SDK1: variants seen among roughly 807,000 people sequenced by gnomAD.
SDK1 encodes protein sidekick-1.
A neutral mutation model predicts 245.5 loss-of-function variants in SDK1; 157 were observed. The ratio of observed to expected loss-of-function variants is 0.64; its 90% CI spans 0.56 to 0.73. SDK1 has a LOEUF of 0.73. Among genes scored for constraint, SDK1 ranks in the 30% least tolerant of loss-of-function variants. The pLI is 0.00. For missense variants in SDK1, 3,583 were observed against 3,002.3 expected, an observed-to-expected ratio of 1.19 and a Z score of -4.52; for synonymous variants, 1,647 against 1,278.5, an observed-to-expected ratio of 1.29 and a Z score of -6.15.
intron 4 of SDK1, among the ~76,000 whole-genome samples, chr7:3,812,484 T>C (rs1462699938): frequency 3.3e-5 from 5 of 152,218 alleles, no homozygotes; most frequent in Non-Finnish European, 7.3e-5. Flanking sequence ...ACAGTCAATA[T>C]AGAAGAGTTG....
chr7:4,158,974 G>A (rs1023243648), intron 31 of SDK1, among the ~76,000 whole-genome samples: 8 of 152,198 alleles, frequency 5.3e-5, no homozygotes, highest in African/African-American at 9.7e-5. Context: ...CAGCCGCTCC[G>A]TCCTACCTCG....
intron 1 of SDK1, among the ~76,000 whole-genome samples, chr7:3,398,536 T>TTA (rs1178444650): frequency 6.6e-6 from 1 of 152,078 alleles, no homozygotes; most frequent in East Asian, 1.9e-4. Flanking sequence ...AAGGCCTTTA[T>TTA]TATATAGAAC....
At chr7:3,713,312 G>A (rs1158430848) in intron 4 of SDK1, among the ~76,000 whole-genome samples, 1 of 152,162 alleles carries the variant, frequency 6.6e-6, no homozygotes, top group Non-Finnish European at 1.5e-5. Context: ...GTACAATTGG[G>A]GTTGTTTGTC....
intron 1 of SDK1, among the ~76,000 whole-genome samples, chr7:3,594,299 T>C (rs1305463537): frequency 6.6e-6 from 1 of 152,238 alleles, no homozygotes; most frequent in Non-Finnish European, 1.5e-5. Flanking sequence ...TTCCTTTTTA[T>C]TGCAGATTAA....
At chr7:3,485,079 A>C (rs1781641466) in intron 1 of SDK1, among the ~76,000 whole-genome samples, 1 of 152,190 alleles carries the variant, frequency 6.6e-6, no homozygotes, top group South Asian at 2.1e-4. Context: ...GACCCTCCAT[A>C]CTGTTTTCCA....
At chr7:3,668,294 C>A (rs146011000) in intron 4 of SDK1, among the ~76,000 whole-genome samples, 1 of 152,154 alleles carries the variant, frequency 6.6e-6, no homozygotes, top group Non-Finnish European at 1.5e-5. Flanking sequence ...CAGTAGATTC[C>A]TCTTCCAACA....
chr7:3,831,145 A>T (rs1312917109), intron 5 of SDK1, among the ~76,000 whole-genome samples: 4 of 152,192 alleles, frequency 2.6e-5, no homozygotes, highest in Non-Finnish European at 5.9e-5. Flanking sequence ...TACATCCATT[A>T]CACAGCTTGT....
chr7:3,619,271 T>C (rs1412891305), intron 2 of SDK1, 32 bp downstream of exon 2: 1 of 1,581,578 alleles, frequency 6.3e-7, no homozygotes, highest in Non-Finnish European at 8.7e-7. Flanking sequence ...TAAGATCCCA[T>C]TTCAGTTGAT....
intron 1 of SDK1, among the ~76,000 whole-genome samples, chr7:3,334,200 A>T (rs4268017): frequency 6.6e-6 from 1 of 152,104 alleles, no homozygotes; most frequent in Admixed American, 6.5e-5. Context: ...AAGTGAGTCA[A>T]TCTGCAGTAT....
chr7:3,415,998 C>G (rs191414052), intron 1 of SDK1, among the ~76,000 whole-genome samples: 1 of 152,156 alleles, frequency 6.6e-6, no homozygotes, highest in Non-Finnish European at 1.5e-5. Flanking sequence ...ATTACCAGAG[C>G]AGTTCCATAT....
At chr7:4,228,467 C>T (rs1785564185) in intron 40 of SDK1, among the ~76,000 whole-genome samples, 1 of 152,226 alleles carries the variant, frequency 6.6e-6, no homozygotes, top group Non-Finnish European at 1.5e-5. Context: ...CTGCATCAGT[C>T]ATTTTGGGGG....
intron 16 of SDK1, among the ~76,000 whole-genome samples, chr7:4,013,360 C>T (rs954005964): frequency 7.2e-5 from 11 of 152,234 alleles, no homozygotes; most frequent in Non-Finnish European, 1.5e-5. Flanking sequence ...TAAATCTCTT[C>T]TAATAGATTG....
chr7:4,180,144 C>T (rs1220801957), intron 35 of SDK1, among the ~76,000 whole-genome samples: 3 of 152,148 alleles, frequency 2.0e-5, no homozygotes, highest in African/African-American at 7.2e-5. Flanking sequence ...GGACTGGATG[C>T]CCAGCAAACA....
At chr7:3,966,788 C>T (rs1337267091) in intron 9 of SDK1, among the ~76,000 whole-genome samples, 4 of 151,998 alleles carry the variant, frequency 2.6e-5, no homozygotes, top group African/African-American at 9.7e-5. Context: ...TGGGCTCAAG[C>T]GATCCTCCTG....
intron 7 of SDK1, among the ~76,000 whole-genome samples, chr7:3,957,171 G>A (rs569240351): frequency 6.6e-6 from 1 of 152,188 alleles, no homozygotes. Context: ...GTGAGGGGTG[G>A]GGGTTTGGGG....
intron 4 of SDK1, among the ~76,000 whole-genome samples, chr7:3,685,556 A>C (rs914434461): frequency 3.9e-5 from 6 of 152,202 alleles, no homozygotes; most frequent in African/African-American, 7.2e-5. Context: ...AATATAATAC[A>C]CAATCAAACT....
chr7:3,313,233 G>A (rs1012129302), intron 1 of SDK1, among the ~76,000 whole-genome samples: 4 of 152,092 alleles, frequency 2.6e-5, no homozygotes, highest in African/African-American at 4.8e-5. Context: ...ATGGTGAAAT[G>A]CCATCTTTAC....
At chr7:4,007,471 C>T (rs1165925750) in intron 14 of SDK1, among the ~76,000 whole-genome samples, 5 of 152,056 alleles carry the variant, frequency 3.3e-5, no homozygotes, top group East Asian at 3.9e-4. Context: ...ATAGGGAGGG[C>T]GGAGCTTGGA....
At chr7:3,566,291 C>G (rs1779914943) in intron 1 of SDK1, among the ~76,000 whole-genome samples, 1 of 144,294 alleles carries the variant, frequency 6.9e-6, no homozygotes, top group Non-Finnish European at 1.5e-5. Context: ...GTGGCGCGAT[C>G]TTGGCTCACT....
Sources: allele counts gnomAD v4.1 joint callset (sites outside exome capture counted in the v4.1 genomes callset), GRCh38; gene constraint gnomAD v4.1.1; transcripts MANE v1.5; gene names NCBI Gene and HGNC (gene_info 2026-07-23, HGNC 2026-07-21).